ZC3H12B: variants seen among roughly 807,000 people sequenced by gnomAD.
ZC3H12B encodes probable ribonuclease ZC3H12B.
Under a neutral mutation model 43.9 loss-of-function variants are expected in ZC3H12B, and 7 were observed. That is an observed-to-expected ratio of 0.16 (90% CI 0.09 to 0.30). The LOEUF is 0.30. Among genes scored for constraint, ZC3H12B ranks in the 10% least tolerant of loss-of-function variants. ZC3H12B has a pLI of 1.00. For synonymous variants in ZC3H12B, 222 were observed against 241.7 expected (o/e 0.92, Z 0.76); for missense variants, 475 against 670.2 (o/e 0.71, Z 3.22).
chrX:65,067,202 G>T, the ZC3H12B span, among the ~76,000 whole-genome samples: 3 of 108,666 alleles, frequency 2.8e-5, no homozygotes, highest in Non-Finnish European at 3.8e-5. Context: ...AAAAAAACTC[G>T]TGCAGCTAAC....
chrX:65,487,550 AC>A (rs2068141307), upstream of ZC3H12B, among the ~76,000 whole-genome samples: 1 of 88,445 alleles, frequency 1.1e-5, no homozygotes, highest in African/African-American at 1.1e-4. Flanking sequence ...AAAAAAACAA[AC>A]CAAAAAAAAA....
chrX:65,163,363 G>T, the ZC3H12B span, among the ~76,000 whole-genome samples: 2 of 111,537 alleles, frequency 1.8e-5, no homozygotes, highest in African/African-American at 6.5e-5. Context: ...TCTGTGCCCT[G>T]CCCCCAGAAG....
chrX:65,371,277 C>A (rs1353757558), intron 2 of ZC3H12B, among the ~76,000 whole-genome samples: 1 of 111,828 alleles, frequency 8.9e-6, no homozygotes, highest in Non-Finnish European at 1.9e-5. Context: ...TATCCACCAT[C>A]TCATTTGAGT....
chrX:65,047,979 C>T, the ZC3H12B span, among the ~76,000 whole-genome samples: 2 of 110,835 alleles, frequency 1.8e-5, no homozygotes, highest in African/African-American at 6.5e-5. Context: ...GTGTACAGTA[C>T]AGTATTATAA....
At chrX:65,282,110 G>C in the ZC3H12B span, among the ~76,000 whole-genome samples, 2 of 110,512 alleles carry the variant, frequency 1.8e-5, no homozygotes, top group Admixed American at 1.9e-4. Flanking sequence ...CATAATAAAG[G>C]CTATATATGA....
chrX:65,360,729 C>A, the ZC3H12B span, among the ~76,000 whole-genome samples: 10 of 112,241 alleles, frequency 8.9e-5, no homozygotes, highest in East Asian at 2.5e-3. Context: ...TATATCTACA[C>A]AAAGGCTTGT....
At chrX:65,117,041 G>A in the ZC3H12B span, among the ~76,000 whole-genome samples, 1 of 111,890 alleles carries the variant, frequency 8.9e-6, no homozygotes, top group African/African-American at 3.2e-5. Flanking sequence ...TGTCTTTACA[G>A]CAGCATGATT....
chrX:65,147,620 G>T, the ZC3H12B span, among the ~76,000 whole-genome samples: 1 of 111,509 alleles, frequency 9.0e-6, no homozygotes, highest in East Asian at 2.8e-4. Flanking sequence ...CTAGTTCTAG[G>T]GTAGGTCTAA....
the ZC3H12B span, among the ~76,000 whole-genome samples, chrX:65,234,475 C>G: frequency 8.9e-6 from 1 of 111,772 alleles, no homozygotes; most frequent in Non-Finnish European, 1.9e-5. Flanking sequence ...ACTTTCACCA[C>G]TATTATTCAA....
chrX:65,065,415 G>A, the ZC3H12B span, among the ~76,000 whole-genome samples: 2 of 111,830 alleles, frequency 1.8e-5, no homozygotes, highest in African/African-American at 6.5e-5. Context: ...TTGTTTGGCT[G>A]AATATGAAAT....
chrX:65,065,048 A>T, the ZC3H12B span, among the ~76,000 whole-genome samples: 3 of 109,883 alleles, frequency 2.7e-5, no homozygotes, highest in African/African-American at 1.0e-4. Flanking sequence ...TGCACATGAG[A>T]TGGGTCTCCT....
At chrX:65,246,632 A>G in the ZC3H12B span, among the ~76,000 whole-genome samples, 1 of 112,463 alleles carries the variant, frequency 8.9e-6, no homozygotes, top group East Asian at 2.8e-4. Context: ...TCAGTCTTCA[A>G]TAAACCTGAC....
chrX:65,320,257 A>C, the ZC3H12B span, among the ~76,000 whole-genome samples: 1 of 111,826 alleles, frequency 8.9e-6, no homozygotes, highest in Admixed American at 9.5e-5. Flanking sequence ...CACCAACAAC[A>C]GTCAAGCCAA....
At chrX:65,135,382 A>T in the ZC3H12B span, among the ~76,000 whole-genome samples, 2 of 109,057 alleles carry the variant, frequency 1.8e-5, no homozygotes, top group African/African-American at 3.3e-5. Context: ...TCCAAATTTT[A>T]TTTTTTTAAA....
the ZC3H12B span, chrX:65,186,590 A>G: frequency 9.2e-6 from 1 of 108,295 alleles, no homozygotes; most frequent in Non-Finnish European, 1.9e-5. Flanking sequence ...GGTTACATGA[A>G]TAAGTTCTTT....
At chrX:65,203,882 G>A in the ZC3H12B span, among the ~76,000 whole-genome samples, 3 of 112,020 alleles carry the variant, frequency 2.7e-5, no homozygotes, top group Non-Finnish European at 3.8e-5. Context: ...AGCCTGTCAC[G>A]GTGGGGCTTT....
chrX:65,361,323 A>C, the ZC3H12B span, among the ~76,000 whole-genome samples: 1 of 112,069 alleles, frequency 8.9e-6, no homozygotes, highest in East Asian at 2.8e-4. Context: ...TTTTTAGCAC[A>C]TTAACAAATA....
the ZC3H12B span, among the ~76,000 whole-genome samples, chrX:65,225,184 G>A: frequency 3.7e-4 from 41 of 111,927 alleles, no homozygotes; most frequent in South Asian, 1.5e-3. Flanking sequence ...AAAACTTCCA[G>A]AGGAATGATC....
At chrX:65,256,761 GA>G in the ZC3H12B span, among the ~76,000 whole-genome samples, 7 of 111,812 alleles carry the variant, frequency 6.3e-5, no homozygotes, top group African/African-American at 2.3e-4. Flanking sequence ...TTGGTTTGTT[GA>G]AAGAATTAGT....
Sources: allele counts gnomAD v4.1 joint callset (sites outside exome capture counted in the v4.1 genomes callset), GRCh38; gene constraint gnomAD v4.1.1; transcripts MANE v1.5; gene names NCBI Gene and HGNC (gene_info 2026-07-23, HGNC 2026-07-21).